The following SLC1A1 variants were observed in gnomAD, a reference collection of about 807,000 sequenced individuals.
The protein encoded by SLC1A1 is solute carrier family 1 member 1, also known as excitatory amino acid transporter 3.
A neutral mutation model predicts 53.3 loss-of-function variants in SLC1A1; 43 were observed. The observed-to-expected ratio is 0.81, with a 90% confidence interval of 0.63 to 1.04. The LOEUF (loss-of-function observed/expected upper bound fraction) is 1.04, where lower values mean the gene tolerates loss of function less well. SLC1A1 is among the 50% of genes least tolerant of loss of function. The pLI, the probability that SLC1A1 is intolerant of heterozygous loss-of-function variation, is 0.00. For synonymous variants in SLC1A1, 307 were observed against 243.2 expected (o/e 1.26, Z -2.44); for missense variants, 748 against 664.9 (o/e 1.12, Z -1.37).
chr9:4,518,504 T>C (rs1284536394), intron 1 of SLC1A1, among the ~76,000 whole-genome samples: 2 of 152,086 alleles, frequency 1.3e-5, no homozygotes, highest in Non-Finnish European at 2.9e-5. Context: ...ATAGCTGGGA[T>C]TACACACGTG....
At chr9:4,532,754 A>T (rs941930744) in intron 1 of SLC1A1, among the ~76,000 whole-genome samples, 3 of 152,150 alleles carry the variant, frequency 2.0e-5, no homozygotes, top group Admixed American at 6.6e-5. Context: ...TCCAACACAC[A>T]TAATTGTCAG....
chr9:4,534,008 C>T (rs1488564724), intron 1 of SLC1A1, among the ~76,000 whole-genome samples: 3 of 152,072 alleles, frequency 2.0e-5, no homozygotes, highest in African/African-American at 7.2e-5. Context: ...TCTTTGAAAC[C>T]AATGAGAACA....
intron 3 of SLC1A1, among the ~76,000 whole-genome samples, chr9:4,561,766 C>A (rs1270765060): frequency 6.6e-6 from 1 of 152,132 alleles, no homozygotes; most frequent in Non-Finnish European, 1.5e-5. Flanking sequence ...TAACATGCGC[C>A]TGTAGTCCCA....
At chr9:4,565,952 T>C (rs1819445131) in intron 4 of SLC1A1, 95 bp from the exon 5 acceptor site, 12 of 930,856 alleles carry the variant, frequency 1.3e-5, no homozygotes, top group Admixed American at 1.7e-5. Flanking sequence ...ACCAGAGTAC[T>C]AGTTTTATGT....
At chr9:4,505,900 T>C (rs1158957711) in intron 1 of SLC1A1, among the ~76,000 whole-genome samples, 2 of 152,226 alleles carry the variant, frequency 1.3e-5, no homozygotes, top group East Asian at 3.8e-4. Flanking sequence ...CTCAGCTCAC[T>C]GCAACCTCCG....
intron 1 of SLC1A1, among the ~76,000 whole-genome samples, chr9:4,540,624 C>T (rs1816922864): frequency 6.6e-6 from 1 of 152,194 alleles, no homozygotes; most frequent in Admixed American, 6.5e-5. Flanking sequence ...ACCCTGGCTC[C>T]TGTACCTGCT....
chr9:4,526,061 G>A (rs1018580045), intron 1 of SLC1A1, among the ~76,000 whole-genome samples: 2 of 152,022 alleles, frequency 1.3e-5, no homozygotes, highest in African/African-American at 4.8e-5. Context: ...GAAGCAGGAG[G>A]GTCAGTTGAG....
At chr9:4,550,689 C>T (rs1382662991) in intron 2 of SLC1A1, among the ~76,000 whole-genome samples, 1 of 152,184 alleles carries the variant, frequency 6.6e-6, no homozygotes, top group Admixed American at 6.5e-5. Flanking sequence ...CCACACCTGC[C>T]CTACTTTTTA....
chr9:4,559,500 A>G (rs948387596), intron 2 of SLC1A1, among the ~76,000 whole-genome samples: 1 of 152,166 alleles, frequency 6.6e-6, no homozygotes, highest in Non-Finnish European at 1.5e-5. Context: ...CTTCCTGTAC[A>G]TCAAATATGT....
intron 2 of SLC1A1, among the ~76,000 whole-genome samples, chr9:4,551,468 G>A (rs934976957): frequency 6.6e-5 from 10 of 152,192 alleles, no homozygotes; most frequent in African/African-American, 9.6e-5. Context: ...GGAGTCCCTC[G>A]TTAGCAAGAA....
At chr9:4,494,017 C>T (rs995959440) in intron 1 of SLC1A1, among the ~76,000 whole-genome samples, 1 of 152,092 alleles carries the variant, frequency 6.6e-6, no homozygotes, top group African/African-American at 2.4e-5. Flanking sequence ...GTTAGGTGAC[C>T]ATCTTTTTAA....
chr9:4,577,775 G>T (rs1820698455), intron 10 of SLC1A1, among the ~76,000 whole-genome samples: 1 of 152,174 alleles, frequency 6.6e-6, no homozygotes, highest in Admixed American at 6.5e-5. Flanking sequence ...ACGCCCGGCA[G>T]ATTTGCATTT....
chr9:4,566,005 C>T lies in SLC1A1; in HGVS notation c.441-42C>T, dbSNP rs926904826. On this transcript the variant is annotated intron_variant, in intron 4 of 11. Transcript: ENST00000262352. ...ATATATTAGGTATGACAAAACAATACTTTTTGCCCTAACATAATACTGCCT... is the reference window on the plus strand; with the variant it reads ...ATATATTAGGTATGACAAAACAATATTTTTTGCCCTAACATAATACTGCCT... 5 of 1,476,776 alleles carry T rather than the reference C, an allele frequency of 3.4e-6. No individual in the cohort carries two copies. In the East Asian group the frequency reaches 6.8e-5, roughly 20 times the overall value. 91.5% of individuals were successfully genotyped at this position (1,476,776 alleles called of 1,614,324 possible).
chr9:4,580,810 C>T (rs556378637), intron 10 of SLC1A1, among the ~76,000 whole-genome samples: 5 of 151,942 alleles, frequency 3.3e-5, no homozygotes, highest in Non-Finnish European at 5.9e-5. Context: ...GTGGCAGCAG[C>T]GACAGCAGCA....
At chr9:4,540,539 G>A (rs1404159299) in intron 1 of SLC1A1, among the ~76,000 whole-genome samples, 4 of 152,158 alleles carry the variant, frequency 2.6e-5, no homozygotes, top group African/African-American at 9.7e-5. Flanking sequence ...GGGCCTTCAG[G>A]GGTAATGGGC....
chr9:4,569,216 C>T (rs1385257310), intron 6 of SLC1A1, among the ~76,000 whole-genome samples: 1 of 152,104 alleles, frequency 6.6e-6, no homozygotes, highest in African/African-American at 2.4e-5. Context: ...ATCTCTCTGC[C>T]CAGATGTAAT....
chr9:4,553,631 T>G (rs1818127248), intron 2 of SLC1A1: 1 of 152,328 alleles, frequency 6.6e-6, no homozygotes, highest in African/African-American at 2.4e-5. Flanking sequence ...CCTCCCAAAG[T>G]GCTGGGATTA....
intron 1 of SLC1A1, among the ~76,000 whole-genome samples, chr9:4,513,414 C>T (rs1262984062): frequency 1.3e-5 from 2 of 151,966 alleles, no homozygotes; most frequent in African/African-American, 2.4e-5. Flanking sequence ...GACACTTCAC[C>T]GAAGAGGGTA....
chr9:4,543,263 T>C (rs1012024264), intron 1 of SLC1A1, among the ~76,000 whole-genome samples: 2 of 152,242 alleles, frequency 1.3e-5, no homozygotes, highest in African/African-American at 4.8e-5. Context: ...ATACCAGTGA[T>C]ATCCTCCTTG....
Sources: allele counts gnomAD v4.1 joint callset (sites outside exome capture counted in the v4.1 genomes callset), GRCh38; gene constraint gnomAD v4.1.1; transcripts MANE v1.5; gene names NCBI Gene and HGNC (gene_info 2026-07-23, HGNC 2026-07-21).